The following PCDH9 variants were observed in gnomAD, a reference collection of about 807,000 sequenced individuals.
The protein encoded by PCDH9 is protocadherin 9, also known as protocadherin-9.
A neutral mutation model predicts 70.6 loss-of-function variants in PCDH9; 24 were observed. The observed-to-expected ratio is 0.34, with a 90% CI of 0.25 to 0.48. The LOEUF is 0.48. Among genes scored for constraint, PCDH9 ranks in the 20% least tolerant of loss-of-function variants. The probability of loss-of-function intolerance (pLI) is 0.99; values close to 1 mark genes in which losing one functional copy is unlikely to be tolerated. For synonymous variants in PCDH9, 562 were observed against 558.5 expected (o/e 1.01, Z -0.09); for missense variants, 1,281 against 1,503.6 (o/e 0.85, Z 2.45).
chr13:66,981,413 G>C (rs1441116694), intron 2 of PCDH9, among the ~76,000 whole-genome samples: 1 of 149,606 alleles, frequency 6.7e-6, no homozygotes, highest in Non-Finnish European at 1.5e-5. Flanking sequence ...ACTCCAGCCT[G>C]GGTGACAGAG....
At chr13:66,315,792 T>A (rs895145531) in intron 4 of PCDH9, among the ~76,000 whole-genome samples, 2 of 152,196 alleles carry the variant, frequency 1.3e-5, no homozygotes, top group Non-Finnish European at 2.9e-5. Context: ...CCACTCTCAT[T>A]TCTTAACAGG....
chr13:66,336,105 C>G (rs1956033071), intron 4 of PCDH9, among the ~76,000 whole-genome samples: 1 of 151,980 alleles, frequency 6.6e-6, no homozygotes, highest in African/African-American at 2.4e-5. Flanking sequence ...ATATGAAAGG[C>G]CCCATCTGAG....
intron 3 of PCDH9, among the ~76,000 whole-genome samples, chr13:66,731,233 G>A (rs1333927520): frequency 6.6e-6 from 1 of 151,936 alleles, no homozygotes; most frequent in Non-Finnish European, 1.5e-5. Context: ...AGAAGGTTTA[G>A]AAAATAAAAT....
rs1179557533 is a variant in PCDH9 at position 66,737,965 on chromosome 13, C to T, written c.3139-106554G>A. 2.0e-5 allele frequency among the ~76,000 whole-genome samples: 3 copies of T among 152,284 alleles called. No individual in the cohort carries two copies. In the East Asian group the frequency reaches 5.8e-4, roughly 29 times the overall value. ...GGCTTGCTTAGGTAAACAAAGCAGCCAGGAAGCTCGAACTGGGTGGAGCCC... is the reference window on the plus strand; with the variant it reads ...GGCTTGCTTAGGTAAACAAAGCAGCTAGGAAGCTCGAACTGGGTGGAGCCC... On this transcript the variant is annotated intron_variant, in intron 3 of 4. Transcript: ENST00000377865.
In PCDH9 at chr13:66,490,466, A is replaced by C. The variant is rs1297045601; in HGVS notation, c.3340+140744T>G. On this transcript the variant is annotated intron_variant, in intron 4 of 4. Coordinates refer to ENST00000377865, the MANE Select transcript of PCDH9 (RefSeq NM_203487.3). ...GTGGACCTTAAAAACAGATAACTAA[A>C]GTGGAAAGAATAGGAGAGGATTTTT... is the stretch of plus-strand genomic sequence containing the variant. Among the ~76,000 whole-genome samples, 5 of 152,314 alleles carry C rather than the reference A, an allele frequency of 3.3e-5. No individual in the cohort carries two copies. The East Asian group carries it at 9.6e-4, about 29-fold the overall frequency.
At chr13:67,160,567 T>G (rs1445433289) in intron 2 of PCDH9, among the ~76,000 whole-genome samples, 1 of 84,700 alleles carries the variant, frequency 1.2e-5, no homozygotes, top group Non-Finnish European at 2.5e-5. Context: ...AGTGATATAC[T>G]CAAAGGCTAT....
At chr13:66,675,234 A>G (rs2078227028) in intron 3 of PCDH9, among the ~76,000 whole-genome samples, 1 of 152,154 alleles carries the variant, frequency 6.6e-6, no homozygotes, top group South Asian at 2.1e-4. Context: ...ACAAGTGACA[A>G]AGAGTTATGT....
chr13:66,794,020 A>G (rs2080200897), intron 3 of PCDH9, among the ~76,000 whole-genome samples: 1 of 152,174 alleles, frequency 6.6e-6, no homozygotes, highest in South Asian at 2.1e-4. Context: ...TATGTGATTA[A>G]CTTCACACTA....
At chr13:66,665,623 G>A (rs1412459855) in intron 3 of PCDH9, among the ~76,000 whole-genome samples, 1 of 151,984 alleles carries the variant, frequency 6.6e-6, no homozygotes, top group Admixed American at 6.6e-5. Flanking sequence ...CTTTGCCTAT[G>A]TTGTTATTTT....
At chr13:66,625,661 AT>A (rs56865546) in intron 4 of PCDH9, among the ~76,000 whole-genome samples, 107,815 of 122,970 alleles carry the variant, frequency 0.88, 47,760 homozygotes, top group Non-Finnish European at 0.96. Flanking sequence ...ATATAGTGGA[AT>A]TTTTTTTTTT....
chr13:66,860,197 A>C (rs973899624), intron 3 of PCDH9, among the ~76,000 whole-genome samples: 3 of 152,200 alleles, frequency 2.0e-5, no homozygotes, highest in Non-Finnish European at 4.4e-5. Flanking sequence ...TTGGCTAGGG[A>C]TAAAAAGGAG....
At chr13:66,528,253 T>G (rs142518457) in intron 4 of PCDH9, among the ~76,000 whole-genome samples, 54 of 152,242 alleles carry the variant, frequency 3.5e-4, no homozygotes, top group African/African-American at 1.2e-3. Context: ...CTTTATTATA[T>G]GGGGCAATGA....
chr13:66,505,450 A>G (rs1215130615), intron 4 of PCDH9, among the ~76,000 whole-genome samples: 3 of 150,892 alleles, frequency 2.0e-5, no homozygotes, highest in Non-Finnish European at 4.4e-5. Flanking sequence ...ATGATTAACT[A>G]CCTCCCACCA....
intron 4 of PCDH9, among the ~76,000 whole-genome samples, chr13:66,567,898 A>G (rs1448520810): frequency 1.3e-5 from 2 of 152,188 alleles, no homozygotes; most frequent in South Asian, 2.1e-4. Context: ...ATTTAGGACT[A>G]CATTTTAGTT....
chr13:66,734,584 C>T (rs923316571), intron 3 of PCDH9, among the ~76,000 whole-genome samples: 2 of 152,142 alleles, frequency 1.3e-5, no homozygotes, highest in African/African-American at 4.8e-5. Context: ...AACTAAGTGT[C>T]AAGCTTCCAG....
intron 4 of PCDH9, among the ~76,000 whole-genome samples, chr13:66,537,596 G>A (rs547420643): frequency 8.2e-4 from 124 of 152,138 alleles, no homozygotes; most frequent in Admixed American, 2.4e-3. Context: ...AGAGGGAAAC[G>A]TGGGAGATAT....
chr13:66,854,228 T>C lies in PCDH9; in HGVS notation c.3138+49276A>G, dbSNP rs2139461818. 2.0e-5 allele frequency among the ~76,000 whole-genome samples: 3 copies of C among 152,322 alleles called. No homozygotes were observed. In the South Asian group the frequency reaches 6.2e-4, roughly 32 times the overall value. The stretch of plus-strand genomic sequence containing the variant: ...TTGTAGTTGTATGACCTTAGTTTTA[T>C]TTCTTTAAGCCTTTACTTTTCTTTG... On this transcript the variant is annotated intron_variant, in intron 3 of 4. Coordinates refer to ENST00000377865, the MANE Select transcript of PCDH9 (RefSeq NM_203487.3).
intron 4 of PCDH9, among the ~76,000 whole-genome samples, chr13:66,354,057 ACT>A (rs1302615623): frequency 2.0e-5 from 3 of 152,038 alleles, no homozygotes; most frequent in Middle Eastern, 3.2e-3. Context: ...AGGCAGCAAA[ACT>A]CTTCCTTTTT....
At chr13:66,849,513 T>TAGAGAGAGAGAGAGAG (rs1421579866) in intron 3 of PCDH9, among the ~76,000 whole-genome samples, 13 of 77,222 alleles carry the variant, frequency 1.7e-4, no homozygotes, top group African/African-American at 7.7e-4. Flanking sequence ...TATATATATA[T>TAGAGAGAGAGAGAGAG]ATATAGAGAG....
Sources: allele counts gnomAD v4.1 joint callset (sites outside exome capture counted in the v4.1 genomes callset), GRCh38; gene constraint gnomAD v4.1.1; transcripts MANE v1.5; gene names NCBI Gene and HGNC (gene_info 2026-07-23, HGNC 2026-07-21).